The following FAM222A variants were observed in gnomAD, a reference collection of about 807,000 sequenced individuals.
The protein encoded by FAM222A is family with sequence similarity 222 member A.
A neutral mutation model predicts 25.8 loss-of-function variants in FAM222A; 7 were observed. That is an observed-to-expected ratio of 0.27 (90% CI 0.15 to 0.51). FAM222A has a LOEUF of 0.51. Ranked by LOEUF, FAM222A falls within the 20% of genes least tolerant of loss-of-function variation. The pLI, the probability that FAM222A is intolerant of heterozygous loss-of-function variation, is 0.97. For missense variants in FAM222A, 573 were observed against 640.5 expected (o/e 0.89, Z 1.14); for synonymous variants, 294 against 298.8 (o/e 0.98, Z 0.17).
At chr12:109,764,140 G>A (rs1187512872) in intron 2 of FAM222A, among the ~76,000 whole-genome samples, 2 of 149,232 alleles carry the variant, frequency 1.3e-5, no homozygotes, top group Non-Finnish European at 3.0e-5. Context: ...TGAGGCAGGA[G>A]GATCACTTGA....
At chr12:109,715,509 A>G (rs370122364) in intron 1 of FAM222A, among the ~76,000 whole-genome samples, 63 of 152,244 alleles carry the variant, frequency 4.1e-4, no homozygotes, top group Middle Eastern at 6.8e-3. Flanking sequence ...GCCTTGACCC[A>G]AGGCCGGAGG....
At chr12:109,732,168 T>C (rs1306400021) in intron 1 of FAM222A, among the ~76,000 whole-genome samples, 1 of 152,232 alleles carries the variant, frequency 6.6e-6, no homozygotes, top group Non-Finnish European at 1.5e-5. Context: ...TGAAGCTGTG[T>C]ACAACCCCCT....
rs745948394 is a variant in FAM222A, at chr12:109,768,412, G to A, written c.483G>A (p.Lys161=). The change falls in exon 3 of 3, where the codon AAG becomes AAA. Residue 161 remains lysine (K), a synonymous_variant. Coordinates refer to ENST00000538780, the MANE Select transcript of FAM222A (RefSeq NM_032829.3). ...PSTLGPLAYP[K]PPEAPAPPPG... ...CTCTGGGTCCCTTGGCCTACCCCAA[G>A]CCACCTGAGGCGCCTGCTCCACCAC... The A allele has an allele frequency of 4.8e-5, 77 of 1,598,402 alleles. No homozygotes were observed. Among genetic ancestry groups the A allele is most frequent in the Non-Finnish European group, 6.3e-5 (74 of 1,178,448 alleles).
chr12:109,732,059 A>G (rs2136326132), intron 1 of FAM222A, among the ~76,000 whole-genome samples: 1 of 152,178 alleles, frequency 6.6e-6, no homozygotes, highest in African/African-American at 2.4e-5. Context: ...GTCACATCAC[A>G]GTAAGAGGAC....
At chr12:109,721,790 G>T (rs1444438041) in intron 1 of FAM222A, among the ~76,000 whole-genome samples, 3 of 152,228 alleles carry the variant, frequency 2.0e-5, no homozygotes, top group African/African-American at 7.2e-5. Context: ...CAGTCTGGAT[G>T]ATGATAACAG....
intron 2 of FAM222A, among the ~76,000 whole-genome samples, chr12:109,765,327 C>T (rs1441824895): frequency 6.6e-6 from 1 of 152,202 alleles, no homozygotes; most frequent in African/African-American, 2.4e-5. Flanking sequence ...GCTGTGACAG[C>T]CAATCATGTC....
chr12:109,730,400 G>C lies in FAM222A; in HGVS notation c.-46-13701G>C, dbSNP rs887733845. ...AAGGTACTACTTCTGGCACCTGCCT[G>C]GGGGGCGGGGGGGGGGGTTCCTCCA... On this transcript the variant is annotated intron_variant, in intron 1 of 2. Coordinates refer to ENST00000538780, the MANE Select transcript of FAM222A (RefSeq NM_032829.3). Among the ~76,000 whole-genome samples, 10 of 65,932 alleles carry C rather than the reference G, an allele frequency of 1.5e-4. No individual in the cohort carries two copies. In the East Asian group the frequency reaches 6.7e-3, roughly 44 times the overall value. The allele number at this position is 65,932 out of a possible 152,430, so 43.3% of individuals were successfully genotyped here.
In FAM222A at chr12:109,744,957, T is replaced by C. The variant is rs138620198; in HGVS notation, c.82+729T>C. On this transcript the variant is annotated intron_variant, in intron 2 of 2. Coordinates refer to ENST00000538780, the MANE Select transcript of FAM222A (RefSeq NM_032829.3). ...GGTCACCGCGGTCCCCACCCCTCCCTATTGCTTCTGTGCTATAGCCCAGGA... is the reference window on the plus strand; with the variant it reads ...GGTCACCGCGGTCCCCACCCCTCCCCATTGCTTCTGTGCTATAGCCCAGGA... 1.3e-4 allele frequency among the ~76,000 whole-genome samples: 20 copies of C among 152,136 alleles called. 1 individual carries two copies. In the East Asian group the frequency reaches 3.9e-3, roughly 29 times the overall value.
intron 2 of FAM222A, among the ~76,000 whole-genome samples, chr12:109,749,622 G>A (rs1295713616): frequency 6.6e-6 from 1 of 152,052 alleles, no homozygotes; most frequent in African/African-American, 2.4e-5. Flanking sequence ...CCATTAATTA[G>A]GCTATTAGGT....
At chr12:109,762,445 C>T (rs1042917549) in intron 2 of FAM222A, among the ~76,000 whole-genome samples, 2 of 152,222 alleles carry the variant, frequency 1.3e-5, no homozygotes, top group African/African-American at 4.8e-5. Context: ...GAGAGTCACA[C>T]GGCGCCACTT....
intron 1 of FAM222A, among the ~76,000 whole-genome samples, chr12:109,718,502 G>C (rs971169561): frequency 6.6e-6 from 1 of 152,170 alleles, no homozygotes; most frequent in African/African-American, 2.4e-5. Context: ...GGCTCGGGGC[G>C]GGGGTGAGAA....
At chr12:109,754,605 G>A (rs1888661208) in intron 2 of FAM222A, among the ~76,000 whole-genome samples, 1 of 151,720 alleles carries the variant, frequency 6.6e-6, no homozygotes, top group African/African-American at 2.4e-5. Flanking sequence ...GTTCCAATAA[G>A]ACTTTATTTA....
chr12:109,732,733 C>A (rs1887977042), intron 1 of FAM222A, among the ~76,000 whole-genome samples: 1 of 152,228 alleles, frequency 6.6e-6, no homozygotes, highest in Non-Finnish European at 1.5e-5. Flanking sequence ...ATGTTCCCCA[C>A]ACACGTGTAC....
Position 109,769,368 on chromosome 12 carries a change from CAG to C in FAM222A, c.*81_*82del. On this transcript the variant is annotated 3_prime_UTR_variant, in exon 3 of 3. Transcript: ENST00000538780. The stretch of plus-strand genomic sequence containing the variant: ...GCCGCAGAACAGGGTGGGCGGCTCG[CAG>C]GGGCGCTCAGCCCCACCCTGTGCCT... 6.9e-7 allele frequency: 1 copy of C among 1,453,256 alleles called. No individual in the cohort carries two copies. The highest frequency in any genetic ancestry group is 9.2e-7 in the Non-Finnish European group (1 of 1,089,800). The allele number at this position is 1,453,256 out of a possible 1,614,324, so 90.0% of individuals were successfully genotyped here. A position where few individuals can be genotyped will look rare whatever the true frequency, so the allele number is the denominator to read the frequency against.
rs77920550 is a variant in FAM222A at position 109,716,283 on chromosome 12, C to T, written c.-47+1386C>T. 4.0e-3 allele frequency among the ~76,000 whole-genome samples: 607 copies of T among 152,206 alleles called. 6 individuals are homozygous for T. The highest frequency in any genetic ancestry group is 0.014 in the African/African-American group (578 of 41,534). On this transcript the variant is annotated intron_variant, in intron 1 of 2. Coordinates refer to ENST00000538780, the MANE Select transcript of FAM222A (RefSeq NM_032829.3). ...CCCTTCCAGCAATTATTGCCAGTGT[C>T]GGGTGCTGGTGAAACTGCTGTGATC...
rs376209235 is a variant in FAM222A, at chr12:109,768,424, G to A, written c.495G>A (p.Ala165=). The change falls in exon 3 of 3, where the codon GCG becomes GCA. Residue 165 remains alanine (A), a synonymous_variant. Coordinates refer to ENST00000538780, the MANE Select transcript of FAM222A (RefSeq NM_032829.3). ...GPLAYPKPPE[A]PAPPPGLPAA... ...TGGCCTACCCCAAGCCACCTGAGGC[G>A]CCTGCTCCACCACCCGGCCTGCCCG... The A allele has an allele frequency of 8.6e-5, 138 of 1,598,524 alleles. 1 individual carries two copies. Among genetic ancestry groups the A allele is most frequent in the South Asian group, 2.6e-4 (24 of 90,836 alleles).
intron 1 of FAM222A, among the ~76,000 whole-genome samples, chr12:109,715,716 A>G (rs576425442): frequency 1.3e-5 from 2 of 152,170 alleles, no homozygotes; most frequent in Non-Finnish European, 2.9e-5. Flanking sequence ...AGCTTTGCCC[A>G]TGTAGCCTGG....
At chr12:109,716,204 G>T (rs1191091489) in intron 1 of FAM222A, among the ~76,000 whole-genome samples, 2 of 152,160 alleles carry the variant, frequency 1.3e-5, no homozygotes, top group African/African-American at 4.8e-5. Flanking sequence ...CCCTGCAAAG[G>T]CCCAGAGAAC....
chr12:109,720,049 G>A, intron 1 of FAM222A: 3 of 968,544 alleles, frequency 3.1e-6, no homozygotes, highest in Non-Finnish European at 3.7e-6. Flanking sequence ...GCTTGTGGGT[G>A]GGGTGAGCTT....
Sources: gnomAD v4.1 joint callset for allele counts (sites outside exome capture counted in the v4.1 genomes callset) on GRCh38, gnomAD v4.1.1 for gene constraint, MANE v1.5 for transcripts, NCBI Gene and HGNC (gene_info 2026-07-23, HGNC 2026-07-21) for gene names.